Variants in VPS13D observed in about 807,000 individuals in gnomAD.
VPS13D encodes vacuolar protein sorting 13 homolog D, also known as intermembrane lipid transfer protein VPS13D.
In VPS13D, 187 loss-of-function variants were observed where a neutral mutation model predicts 461.9. The ratio of observed to expected loss-of-function variants is 0.40; its 90% CI spans 0.36 to 0.46. VPS13D has a LOEUF of 0.46. VPS13D is among the 20% of genes least tolerant of loss of function. The pLI is 0.60. For missense variants in VPS13D, 4,711 were observed against 5,364.9 expected (o/e 0.88, Z 3.81); for synonymous variants, 1,951 against 1,986.3 (o/e 0.98, Z 0.47).
Position 12,268,867 on chromosome 1 carries a change from C to T in VPS13D, c.1963C>T (p.His655Tyr), listed in dbSNP as rs758669243. 3.1e-6 allele frequency: 5 copies of T among 1,605,962 alleles called. No individual in the cohort carries two copies. The highest frequency in any genetic ancestry group is 3.4e-6 in the Non-Finnish European group (4 of 1,177,992). Residue 655 changes from histidine (H) to tyrosine (Y), a missense_variant, in exon 16 of 70, where the codon CAT (histidine) becomes TAT (tyrosine). This residue lies in a region of VPS13D where 4,411 missense variants were observed against 4,937.8 expected (regional missense o/e 0.89). Coordinates refer to ENST00000620676, the MANE Select transcript of VPS13D (RefSeq NM_015378.4). ...AGACTTTTTCTACAAGGGAAAGGTT[C>T]ATACCTCAGGTTAACTTTTTTGTTT... ...VADFFYKGKVHTSGFGYQSEL... is the reference protein window; with the variant it reads ...VADFFYKGKVYTSGFGYQSEL...
intron 32 of VPS13D, 45 bp downstream of exon 32, chr1:12,319,675 G>A (rs890566476): frequency 1.9e-6 from 3 of 1,611,930 alleles, no homozygotes; most frequent in African/African-American, 2.7e-5. Flanking sequence ...GTTGGCTCAC[G>A]AGCAAAGCAT....
At chr1:12,335,961 C>T (rs1460268500) in intron 39 of VPS13D, 134 bp downstream of exon 39, 1 of 1,318,132 alleles carries the variant, frequency 7.6e-7, no homozygotes, top group African/African-American at 1.5e-5. Flanking sequence ...TTCTGTAGTT[C>T]TGTTTTAGTC....
In VPS13D at chr1:12,262,842, T is replaced by C. The variant is rs61774898; in HGVS notation, c.1594+762T>C. On this transcript the variant is annotated intron_variant, in intron 13 of 69. Coordinates refer to ENST00000620676, the MANE Select transcript of VPS13D (RefSeq NM_015378.4). ...CCTCAGCCTCCTGAGTAGCTGTGAC[T>C]ACAGGCGCGCGCCACCATGCCCAGC... Among the ~76,000 whole-genome samples, 288 of 152,104 alleles carry C rather than the reference T, an allele frequency of 1.9e-3. 1 individual carries two copies. The highest frequency in any genetic ancestry group is 3.4e-3 in the Non-Finnish European group (232 of 67,974).
At chr1:12,280,833 T>G (rs940526441) in intron 20 of VPS13D, among the ~76,000 whole-genome samples, 2 of 152,158 alleles carry the variant, frequency 1.3e-5, no homozygotes, top group African/African-American at 2.4e-5. Context: ...AACTGTTGTT[T>G]TGATGAAAAT....
chr1:12,358,728 A>G, intron 50 of VPS13D, 127 bp downstream of exon 50: 1 of 1,219,676 alleles, frequency 8.2e-7, no homozygotes, highest in Non-Finnish European at 1.1e-6. Context: ...GCATTGGGTC[A>G]GGTATCTGTT....
At position 12,275,870 on chromosome 1, in the gene VPS13D, C is replaced by A; in HGVS notation, c.2282C>A (p.Thr761Asn). The A allele has an allele frequency of 6.2e-7, 1 of 1,612,570 alleles. No individual in the cohort carries two copies. Among genetic ancestry groups the A allele is most frequent in the Non-Finnish European group, 8.5e-7 (1 of 1,179,518 alleles). ...AGGGATGGGTCAGCATCTGAAGAGA[C>A]CCAGTTTAGTGATGATGAATATAAG... Reference protein sequence around the residue: ...KSRDGSASEETQFSDDEYKTP... With the variant: ...KSRDGSASEENQFSDDEYKTP... The change falls in exon 19 of 70, where the codon ACC becomes AAC. Residue 761 changes from threonine to asparagine, a missense_variant. Physicochemically the swap from Thr to Asn is moderately conservative, Grantham distance 65 (BLOSUM62 0). This residue lies in a region of VPS13D where 4,411 missense variants were observed against 4,937.8 expected (regional missense o/e 0.89). Coordinates refer to ENST00000620676, the MANE Select transcript of VPS13D (RefSeq NM_015378.4).
chr1:12,235,892 AAG>A (rs1640132586), intron 2 of VPS13D, among the ~76,000 whole-genome samples: 1 of 152,210 alleles, frequency 6.6e-6, no homozygotes, highest in Admixed American at 6.5e-5. Context: ...AGGGCCTAGA[AAG>A]AGAGCTGCAG....
chr1:12,446,930 CT>C (rs1329120610), intron 65 of VPS13D, among the ~76,000 whole-genome samples: 1 of 152,110 alleles, frequency 6.6e-6, no homozygotes, highest in Admixed American at 6.5e-5. Flanking sequence ...CCTCCTATTT[CT>C]TTGGGACCTG....
chr1:12,313,355 G>A (rs894593942), intron 29 of VPS13D, among the ~76,000 whole-genome samples: 7 of 145,294 alleles, frequency 4.8e-5, no homozygotes, highest in East Asian at 2.0e-4. Context: ...TTGCCCAGGC[G>A]GGACTGCAGT....
At position 12,333,152 on chromosome 1, in the gene VPS13D, C is replaced by T. The variant is rs1569933077; in HGVS notation, c.8288-74C>T. 6 of 1,521,600 alleles carry T rather than the reference C, an allele frequency of 3.9e-6. No individual in the cohort carries two copies. In the East Asian group the frequency reaches 1.4e-4, roughly 35 times the overall value. The allele number at this position is 1,521,600 out of a possible 1,614,324, so 94.3% of individuals were successfully genotyped here. ...TAAGCTCGAGTTTGTCCTTGCTGAA[C>T]ATTTGCGAGCAGTGTTCCCCTATAA... On this transcript the variant is annotated intron_variant, in intron 37 of 69. Coordinates refer to ENST00000620676, the MANE Select transcript of VPS13D (RefSeq NM_015378.4).
intron 65 of VPS13D, among the ~76,000 whole-genome samples, chr1:12,432,441 C>G (rs1245179168): frequency 6.6e-6 from 1 of 151,486 alleles, no homozygotes; most frequent in Non-Finnish European, 1.5e-5. Context: ...AGTACTGGTT[C>G]TTGCCCTAGG....
intron 41 of VPS13D, among the ~76,000 whole-genome samples, chr1:12,342,463 T>C (rs554049607): frequency 1.2e-3 from 177 of 152,316 alleles, no homozygotes; most frequent in Non-Finnish European, 2.1e-3. Context: ...CCAGCTGAGG[T>C]CATGAAGTGC....
chr1:12,468,804 G>A (rs1345647161), intron 67 of VPS13D, among the ~76,000 whole-genome samples: 2 of 152,216 alleles, frequency 1.3e-5, no homozygotes, highest in Admixed American at 1.3e-4. Context: ...AGGCTGGGGC[G>A]GGTAGATCAT....
At position 12,369,627 on chromosome 1, in the gene VPS13D, T is replaced by G; in HGVS notation, c.10733T>G (p.Met3578Arg). ...GGGTCCTCTGAGATCAACTGCAACATGAATGATTTCCAGGATAATCGGCAG... is the reference window on the plus strand; with the variant it reads ...GGGTCCTCTGAGATCAACTGCAACAGGAATGATTTCCAGGATAATCGGCAG... ...GAGSSEINCN[M>R]NDFQDNRQLY... Residue 3578 changes from methionine to arginine, a missense_variant, in exon 54 of 70, where the codon ATG (methionine) becomes AGG (arginine). Physicochemically the swap from Met to Arg is moderately conservative, Grantham distance 91. Around this residue, in one of 3 missense-constraint regions of VPS13D, gnomAD observed 4,411 missense variants for 4,937.8 expected, o/e 0.89. Transcript: ENST00000620676. The G allele has an allele frequency of 6.2e-7, 1 of 1,614,228 alleles. No individual in the cohort carries two copies. The highest frequency in any genetic ancestry group is 2.2e-5 in the East Asian group (1 of 44,884).
Position 12,354,109 on chromosome 1 carries a change from G to C in VPS13D, c.9567G>C (p.Leu3189Phe), listed in dbSNP as rs1380540093. Reference protein sequence around the residue: ...YLLPTVVICNLLPCELDFYVK... With the variant: ...YLLPTVVICNFLPCELDFYVK... Reference sequence around the variant, plus strand: ...TGCCAACTGTGGTAATCTGCAACTTGCTACCCTGTGAACTTGATTTTTATG... The same window carrying C: ...TGCCAACTGTGGTAATCTGCAACTTCCTACCCTGTGAACTTGATTTTTATG... The change falls in exon 47 of 70, where the codon TTG becomes TTC. Residue 3189 changes from leucine (L) to phenylalanine (F), a missense_variant. Around this residue, in one of 3 missense-constraint regions of VPS13D, gnomAD observed 4,411 missense variants for 4,937.8 expected, o/e 0.89. Coordinates refer to ENST00000620676, the MANE Select transcript of VPS13D (RefSeq NM_015378.4). 37 of 1,614,032 alleles carry C rather than the reference G, an allele frequency of 2.3e-5. No individual in the cohort carries two copies. Among genetic ancestry groups the C allele is most frequent in the Non-Finnish European group, 3.0e-5 (35 of 1,180,036 alleles).
chr1:12,267,289 T>C (rs1056380935), intron 14 of VPS13D, among the ~76,000 whole-genome samples: 1 of 152,208 alleles, frequency 6.6e-6, no homozygotes, highest in Admixed American at 6.5e-5. Flanking sequence ...GGTCAATGTT[T>C]GGGTTTCCTC....
chr1:12,340,480 A>C (rs896241252), intron 40 of VPS13D, among the ~76,000 whole-genome samples: 4 of 152,156 alleles, frequency 2.6e-5, no homozygotes, highest in African/African-American at 9.7e-5. Flanking sequence ...GAAAAAAGGG[A>C]GTGATTGCTT....
At chr1:12,290,739 G>A (rs1642108400) in intron 22 of VPS13D, among the ~76,000 whole-genome samples, 1 of 150,036 alleles carries the variant, frequency 6.7e-6, no homozygotes, top group Non-Finnish European at 1.5e-5. Context: ...AAAAAAAAAT[G>A]TAATGTTGCT....
At position 12,322,745 on chromosome 1, in the gene VPS13D, G is replaced by T; in HGVS notation, c.7914G>T (p.Leu2638Phe). 2 of 1,613,814 alleles carry T rather than the reference G, an allele frequency of 1.2e-6. No individual in the cohort carries two copies. The highest frequency in any genetic ancestry group is 8.5e-7 in the Non-Finnish European group (1 of 1,179,798). Residue 2638 changes from leucine to phenylalanine, a missense_variant and splice_region_variant, in exon 34 of 70, where the codon TTG (leucine) becomes TTT (phenylalanine). Leu to Phe is a conservative substitution (Grantham distance 22, BLOSUM62 0). Around this residue, in one of 3 missense-constraint regions of VPS13D, gnomAD observed 4,411 missense variants for 4,937.8 expected, o/e 0.89. Transcript: ENST00000620676. ...EGTRHTLDPV[L>F]ELQLARLQEL... ...CAAGACACACCTTAGATCCTGTCTT[G>T]GGTAGGTGTTTAACTATAAAACCCA...
Sources: allele counts gnomAD v4.1 joint callset (sites outside exome capture counted in the v4.1 genomes callset), GRCh38; gene constraint gnomAD v4.1.1; regional missense constraint gnomAD v4.1.1; transcripts MANE v1.5; gene names NCBI Gene and HGNC (gene_info 2026-07-23, HGNC 2026-07-21).